Variants in APBA3 observed in about 807,000 individuals in gnomAD.
APBA3 encodes amyloid beta precursor protein binding family A member 3, also known as amyloid-beta A4 precursor protein-binding family A member 3.
Under a neutral mutation model 55.9 loss-of-function variants are expected in APBA3, and 45 were observed. The ratio of observed to expected loss-of-function variants is 0.80; its 90% CI spans 0.63 to 1.03. The LOEUF (loss-of-function observed/expected upper bound fraction) is 1.03. Among genes scored for constraint, APBA3 ranks in the 50% least tolerant of loss-of-function variants. The probability of loss-of-function intolerance (pLI) is 0.00; values close to 1 mark genes in which losing one functional copy is unlikely to be tolerated. For synonymous variants in APBA3, 370 were observed against 353.3 expected (o/e 1.05, Z -0.53); for missense variants, 865 against 820.3 (o/e 1.05, Z -0.67).
chr19:3,759,946 C>T lies in APBA3; in HGVS notation c.319G>A (p.Ala107Thr), dbSNP rs2037124283. ...AGGCCCAGCAGGTCATCCCGGCCAG[C>T]TTCGGCAGACAGGAGCCCGTGGGCA... is the stretch of plus-strand genomic sequence containing the variant. ...ADAHGLLSAE[A>T]GRDDLLGLLH... Residue 107 changes from alanine (A) to threonine (T), a missense_variant, in exon 2 of 11, where the codon GCT becomes ACT. Physicochemically the swap from Ala to Thr is moderately conservative, Grantham distance 58. Coordinates refer to ENST00000316757, the MANE Select transcript of APBA3 (RefSeq NM_004886.4). The T allele has an allele frequency of 6.2e-7, 1 of 1,610,074 alleles. No homozygotes were observed. The highest frequency in any genetic ancestry group is 1.3e-5 in the African/African-American group (1 of 74,672).
chr19:3,758,946 G>A (rs1469116026), intron 3 of APBA3, among the ~76,000 whole-genome samples: 1 of 152,106 alleles, frequency 6.6e-6, no homozygotes, highest in East Asian at 1.9e-4. Flanking sequence ...GGACACCCGG[G>A]CATGGTGGCT....
Position 3,759,707 on chromosome 19 carries a change from C to T in APBA3, c.558G>A (p.Glu186=), listed in dbSNP as rs1363304453. The stretch of plus-strand genomic sequence containing the variant: ...GCACTACCTGGGCACCAGCGGGTGG[C>T]TCTTCAGGTGTGACTAGAGGCACCG... ...LETVPLVTPE[E]PPAGAQSPET... is the part of the protein sequence containing the mutation. Residue 186 remains glutamate, a synonymous_variant, in exon 2 of 11, where the codon GAG becomes GAA. Transcript: ENST00000316757. The T allele has an allele frequency of 1.2e-6, 2 of 1,612,052 alleles. No homozygotes were observed. The highest frequency in any genetic ancestry group is 1.3e-5 in the African/African-American group (1 of 74,802).
rs765329891 is a variant in APBA3 at position 3,759,542 on chromosome 19, G to A, written c.616+19C>T. On this transcript the variant is annotated intron_variant, in intron 3 of 10. Transcript: ENST00000316757. ...TAGGGGCCTTCAGTGCCTGAGGCTAGGGTGGGCGGGACACTCACCCTCCTG... is the reference window on the plus strand; with the variant it reads ...TAGGGGCCTTCAGTGCCTGAGGCTAAGGTGGGCGGGACACTCACCCTCCTG... 5.0e-6 allele frequency: 8 copies of A among 1,589,650 alleles called. No homozygotes were observed. The South Asian group carries it at 5.7e-5, about 11-fold the overall frequency.
intron 3 of APBA3, chr19:3,755,919 C>T (rs1379622816): frequency 6.6e-6 from 1 of 152,120 alleles, no homozygotes; most frequent in African/African-American, 2.4e-5. Flanking sequence ...GTAACTACGG[C>T]TCTTTGGTTT....
At chr19:3,758,826 C>T (rs559024718) in intron 3 of APBA3, among the ~76,000 whole-genome samples, 8 of 150,522 alleles carry the variant, frequency 5.3e-5, no homozygotes, top group African/African-American at 9.8e-5. Flanking sequence ...TGCAGTGAGC[C>T]GGGATCACGC....
rs751835319 is a variant in APBA3 at position 3,754,040 on chromosome 19, C to T, written c.828G>A (p.Lys276=). The T allele has an allele frequency of 2.5e-6, 4 of 1,610,962 alleles. No homozygotes were observed. Among genetic ancestry groups the T allele is most frequent in the Non-Finnish European group, 3.4e-6 (4 of 1,178,686 alleles). ...GTACCTGGGAGTCCGCTGTCAAGACCTTGATCCTCTTGGTGGAGACGAACA... is the reference window on the plus strand; with the variant it reads ...GTACCTGGGAGTCCGCTGTCAAGACTTTGATCCTCTTGGTGGAGACGAACA... ...VDLFVSTKRI[K]VLTADSQEAM... Residue 276 remains lysine (K), a synonymous_variant, in exon 5 of 11, where the codon AAG becomes AAA. Transcript: ENST00000316757.
intron 1 of APBA3, among the ~76,000 whole-genome samples, chr19:3,761,020 C>A (rs956736837): frequency 2.0e-5 from 3 of 152,270 alleles, no homozygotes; most frequent in South Asian, 2.1e-4. Context: ...TAATTTAATA[C>A]CCACTAACCC....
intron 8 of APBA3, chr19:3,751,897 C>T (rs1432514465): frequency 9.8e-6 from 3 of 304,848 alleles, no homozygotes; most frequent in Non-Finnish European, 1.8e-5. Flanking sequence ...GTTTCCCCAT[C>T]TGAGCAACAA....
In APBA3 at chr19:3,760,050, A is replaced by G. The variant is rs757632920; in HGVS notation, c.215T>C (p.Val72Ala). 1 of 1,613,296 alleles carries G rather than the reference A, an allele frequency of 6.2e-7. No homozygotes were observed. The highest frequency in any genetic ancestry group is 1.1e-5 in the South Asian group (1 of 91,088). The change falls in exon 2 of 11, where the codon GTG (valine) becomes GCG (alanine). Residue 72 changes from valine (V) to alanine (A), a missense_variant. Transcript: ENST00000316757. ...QQFEALPGDL[V>A]GPSPGGAPCP... is the part of the protein sequence containing the mutation. Reference sequence around the variant, plus strand: ...GGGGGCTCCACCTGGGGATGGGCCCACCAGATCGCCTGGCAGAGCTTCAAA... The same window carrying G: ...GGGGGCTCCACCTGGGGATGGGCCCGCCAGATCGCCTGGCAGAGCTTCAAA...
chr19:3,751,874 T>G, intron 8 of APBA3: 1 of 335,126 alleles, frequency 3.0e-6, no homozygotes, highest in South Asian at 4.1e-5. Flanking sequence ...TCCCTCCCTA[T>G]CTCTGGGCCT....
At chr19:3,758,599 G>A (rs564656549) in intron 3 of APBA3, among the ~76,000 whole-genome samples, 19 of 152,256 alleles carry the variant, frequency 1.2e-4, no homozygotes, top group Admixed American at 2.6e-4. Context: ...GTATTCTTTG[G>A]CCAGGCGTGG....
intron 3 of APBA3, chr19:3,754,671 A>C: frequency 4.0e-6 from 1 of 253,064 alleles, no homozygotes; most frequent in South Asian, 7.6e-5. Flanking sequence ...AGACAGTCCC[A>C]CTCCTGCTTT....
intron 8 of APBA3, 193 bp from the exon 9 acceptor site, chr19:3,751,746 G>A (rs1371533999): frequency 1.6e-5 from 10 of 639,584 alleles, no homozygotes; most frequent in Middle Eastern, 4.3e-4. Context: ...TGTCTGACCC[G>A]AGCCATATCG....
In APBA3 at chr19:3,759,852, A is replaced by C; in HGVS notation, c.413T>G (p.Leu138Arg). The C allele has an allele frequency of 6.2e-7, 1 of 1,612,426 alleles. No homozygotes were observed. Among genetic ancestry groups the C allele is most frequent in the Admixed American group, 1.7e-5 (1 of 59,888 alleles). The part of the protein sequence containing the change: ...PEEPLEPAPR[L>R]LQPPEDPDED... ...ATCTGGGTCCTCAGGGGGCTGCAAC[A>C]GTCGGGGGGCAGGCTCTAGAGGCTC... The change falls in exon 2 of 11, where the codon CTG (leucine) becomes CGG (arginine). Residue 138 changes from leucine (L) to arginine (R), a missense_variant. By Grantham distance (102) the Leu-to-Arg change is moderately radical (BLOSUM62 -2). Coordinates refer to ENST00000316757, the MANE Select transcript of APBA3 (RefSeq NM_004886.4).
At chr19:3,759,658 C>T in intron 2 of APBA3, 31 bp downstream of exon 2, 1 of 1,609,596 alleles carries the variant, frequency 6.2e-7, no homozygotes, top group Non-Finnish European at 8.5e-7. Flanking sequence ...CCAGGCAGTC[C>T]AGGATGCCTG....
chr19:3,754,217 C>T lies in APBA3; in HGVS notation c.740G>A (p.Arg247Gln), dbSNP rs749088363. The T allele has an allele frequency of 8.8e-5, 136 of 1,539,794 alleles. No individual in the cohort carries two copies. The highest frequency in any genetic ancestry group is 1.1e-4 in the Non-Finnish European group (122 of 1,142,944). ...PPTSTRMAQA[R>Q]EAMDRVKAPD... is the part of the protein sequence containing the mutation. ...CACCTTGACGCGGTCCATGGCCTCCCGGGCCTGGGCCATGCGCGTGCTGGT... is the reference window on the plus strand; with the variant it reads ...CACCTTGACGCGGTCCATGGCCTCCTGGGCCTGGGCCATGCGCGTGCTGGT... Residue 247 changes from arginine to glutamine, a missense_variant, in exon 4 of 11, where the codon CGG (arginine) becomes CAG (glutamine). Coordinates refer to ENST00000316757, the MANE Select transcript of APBA3 (RefSeq NM_004886.4).
In APBA3 at chr19:3,753,849, C is replaced by T. The variant is rs1237955443; in HGVS notation, c.927G>A (p.Arg309=). Residue 309 remains arginine, a synonymous_variant, in exon 6 of 11, where the codon CGG becomes CGA. Coordinates refer to ENST00000316757, the MANE Select transcript of APBA3 (RefSeq NM_004886.4). ...DIGCVLVLMA[R]RRLARRPAPQ... ...GTGCCGGCCTCCGTGCCAGCCGCCG[C>T]CGCGCCATCAGCACCAGCACGCAGC... 11 of 1,568,710 alleles carry T rather than the reference C, an allele frequency of 7.0e-6. No individual in the cohort carries two copies. In the Middle Eastern group the frequency reaches 8.3e-4, roughly 118 times the overall value.
Position 3,750,842 on chromosome 19 carries a change from A to G in APBA3, c.*184T>C. 1 of 962,190 alleles carries G rather than the reference A, an allele frequency of 1.0e-6. No individual in the cohort carries two copies. Among genetic ancestry groups the G allele is most frequent in the African/African-American group, 1.6e-5 (1 of 61,182 alleles). The allele number at this position is 962,190 out of a possible 1,614,324, so 59.6% of individuals were successfully genotyped here. On this transcript the variant is annotated 3_prime_UTR_variant, in exon 11 of 11. Coordinates refer to ENST00000316757, the MANE Select transcript of APBA3 (RefSeq NM_004886.4). The stretch of plus-strand genomic sequence containing the variant: ...GCTTCTAGTGGCTTCCAGGAAGGAC[A>G]AGGTCCTCGGTCCCGTAGACCCTGA...
intron 3 of APBA3, among the ~76,000 whole-genome samples, chr19:3,757,252 C>T (rs998464589): frequency 3.3e-5 from 5 of 152,062 alleles, no homozygotes; most frequent in Non-Finnish European, 5.9e-5. Flanking sequence ...ACCCATGCCA[C>T]GTGCCTGGCT....
Sources: gnomAD v4.1 joint callset for allele counts (sites outside exome capture counted in the v4.1 genomes callset) on GRCh38, gnomAD v4.1.1 for gene constraint, MANE v1.5 for transcripts, NCBI Gene and HGNC (gene_info 2026-07-23, HGNC 2026-07-21) for gene names.